Variants in RBFOX1 observed in about 807,000 individuals in gnomAD.
The protein encoded by RBFOX1 is RNA binding protein fox-1 homolog 1.
Under a neutral mutation model 57.7 loss-of-function variants are expected in RBFOX1, and 8 were observed. The observed-to-expected ratio is 0.14, with a 90% CI of 0.08 to 0.25. The LOEUF (loss-of-function observed/expected upper bound fraction) is 0.25. Among genes scored for constraint, RBFOX1 ranks in the 10% least tolerant of loss-of-function variants. The pLI is 1.00. For synonymous variants in RBFOX1, 326 were observed against 222.4 expected, an observed-to-expected ratio of 1.47 and a Z score of -4.15; for missense variants, 611 against 548.5, an observed-to-expected ratio of 1.11 and a Z score of -1.14.
At chr16:7,267,505 C>T (rs1360585242) in intron 4 of RBFOX1, among the ~76,000 whole-genome samples, 2 of 152,046 alleles carry the variant, frequency 1.3e-5, no homozygotes, top group South Asian at 2.1e-4. Context: ...TACTGCATTC[C>T]AGCCTGGGCA....
chr16:6,818,176 C>T (rs2090514376), intron 3 of RBFOX1, among the ~76,000 whole-genome samples: 1 of 152,150 alleles, frequency 6.6e-6, no homozygotes, highest in African/African-American at 2.4e-5. Flanking sequence ...TGGCTTCCTG[C>T]CACAGGGATC....
At chr16:6,719,712 A>C (rs564004918) in intron 3 of RBFOX1, among the ~76,000 whole-genome samples, 12 of 151,796 alleles carry the variant, frequency 7.9e-5, no homozygotes, top group Admixed American at 1.3e-4. Flanking sequence ...TCCCAAAGTG[A>C]TGGGATTACA....
rs543720912 is a variant in RBFOX1 at position 7,204,869 on chromosome 16, T to A, written c.27+152771T>A. Among the ~76,000 whole-genome samples the A allele has an allele frequency of 2.6e-5, 4 of 152,334 alleles. No individual in the cohort carries two copies. In the South Asian group the frequency reaches 8.3e-4, roughly 32 times the overall value. ...GGCATTCGCCATTCTACTCCTTGGT[T>A]TTCTGTTCTTGACTGTTTTGGATAT... On this transcript the variant is annotated intron_variant, in intron 4 of 15. Coordinates refer to ENST00000550418, the MANE Select transcript of RBFOX1 (RefSeq NM_018723.4).
At chr16:5,491,300 C>A (rs568370337) in intron 2 of RBFOX1, among the ~76,000 whole-genome samples, 2 of 152,306 alleles carry the variant, frequency 1.3e-5, no homozygotes, top group Non-Finnish European at 2.9e-5. Flanking sequence ...CACCTAGCGA[C>A]TCGGCAGCCA....
intron 1 of RBFOX1, among the ~76,000 whole-genome samples, chr16:6,154,833 A>G (rs1021802693): frequency 5.9e-5 from 9 of 152,242 alleles, no homozygotes; most frequent in African/African-American, 1.7e-4. Flanking sequence ...TGTTCATTTG[A>G]ATATAAGAAC....
At chr16:6,683,928 T>C (rs930466358) in intron 3 of RBFOX1, among the ~76,000 whole-genome samples, 2 of 152,194 alleles carry the variant, frequency 1.3e-5, no homozygotes, top group African/African-American at 2.4e-5. Context: ...TGTGAAAACA[T>C]GTGTCACGCA....
chr16:6,250,219 T>G (rs940551896), intron 1 of RBFOX1, among the ~76,000 whole-genome samples: 7 of 152,204 alleles, frequency 4.6e-5, no homozygotes, highest in African/African-American at 1.7e-4. Context: ...TTTTCCCTTC[T>G]TCTTTATACA....
chr16:7,380,178 C>G (rs186188314), intron 4 of RBFOX1, among the ~76,000 whole-genome samples: 3 of 152,096 alleles, frequency 2.0e-5, no homozygotes, highest in Non-Finnish European at 4.4e-5. Flanking sequence ...TGCTGTATAC[C>G]TTTTGGTATG....
At chr16:6,594,393 T>C (rs2097756607) in intron 2 of RBFOX1, among the ~76,000 whole-genome samples, 1 of 152,156 alleles carries the variant, frequency 6.6e-6, no homozygotes, top group Admixed American at 6.5e-5. Context: ...TTATAAATGG[T>C]GGCTGACTTT....
At chr16:7,256,062 A>G (rs1303510170) in intron 4 of RBFOX1, among the ~76,000 whole-genome samples, 1 of 152,234 alleles carries the variant, frequency 6.6e-6, no homozygotes, top group Admixed American at 6.5e-5. Flanking sequence ...GTAATTTGGA[A>G]TTAAAATACA....
chr16:6,585,840 G>A (rs1328715873), intron 2 of RBFOX1, among the ~76,000 whole-genome samples: 2 of 151,992 alleles, frequency 1.3e-5, no homozygotes. Context: ...GCATTAAAAT[G>A]GATAATTTTA....
intron 2 of RBFOX1, among the ~76,000 whole-genome samples, chr16:5,559,874 G>A (rs1413945791): frequency 6.6e-6 from 1 of 151,306 alleles, no homozygotes; most frequent in Non-Finnish European, 1.5e-5. Context: ...CTTAACTCTA[G>A]CGTGCTGTAC....
At chr16:5,867,270 C>T in intron 3 of RBFOX1, 2 of 1,166,648 alleles carry the variant, frequency 1.7e-6, no homozygotes, top group Non-Finnish European at 2.2e-6. Context: ...CTTGTTGAAT[C>T]AATACTAATG....
chr16:5,583,707 G>A (rs2046746310), intron 2 of RBFOX1, among the ~76,000 whole-genome samples: 2 of 152,156 alleles, frequency 1.3e-5, no homozygotes, highest in African/African-American at 4.8e-5. Context: ...AGATTTATTG[G>A]GCTTTTAGGA....
At chr16:7,398,748 T>C (rs919536137) in intron 4 of RBFOX1, among the ~76,000 whole-genome samples, 1 of 152,204 alleles carries the variant, frequency 6.6e-6, no homozygotes, top group Non-Finnish European at 1.5e-5. Context: ...TGACTACAAA[T>C]CCCAGCTCTA....
chr16:7,380,875 G>T (rs1319006787), intron 4 of RBFOX1, among the ~76,000 whole-genome samples: 2 of 152,200 alleles, frequency 1.3e-5, no homozygotes, highest in Non-Finnish European at 2.9e-5. Flanking sequence ...AGATGTTAGT[G>T]TTTTTCAAGA....
intron 3 of RBFOX1, among the ~76,000 whole-genome samples, chr16:5,856,183 CTCTCTA>C (rs1297689582): frequency 1.2e-3 from 55 of 45,884 alleles, no homozygotes; most frequent in African/African-American, 3.1e-3. Context: ...CTCTCTCTCT[CTCTCTA>C]TATATATATA....
chr16:6,775,216 G>A (rs993214783), intron 3 of RBFOX1, among the ~76,000 whole-genome samples: 2 of 148,492 alleles, frequency 1.3e-5, no homozygotes, highest in Non-Finnish European at 3.0e-5. Context: ...GACGCCTGTA[G>A]TCCCAGCTAC....
chr16:6,594,246 G>T (rs1293790389), intron 2 of RBFOX1, among the ~76,000 whole-genome samples: 1 of 152,188 alleles, frequency 6.6e-6, no homozygotes, highest in African/African-American at 2.4e-5. Flanking sequence ...ACTGCTAAAT[G>T]AAGAAGGAAA....
Sources: allele counts gnomAD v4.1 joint callset (sites outside exome capture counted in the v4.1 genomes callset), GRCh38; gene constraint gnomAD v4.1.1; transcripts MANE v1.5; gene names NCBI Gene and HGNC (gene_info 2026-07-23, HGNC 2026-07-21).